The following DYM variants were observed in gnomAD, a reference collection of about 807,000 sequenced individuals.
The protein encoded by DYM is dymeclin, also known as dyggve-Melchior-Clausen syndrome protein.
A neutral mutation model predicts 93.1 loss-of-function variants in DYM; 78 were observed. The observed-to-expected ratio is 0.84, with a 90% CI of 0.70 to 1.01. The LOEUF (loss-of-function observed/expected upper bound fraction) is 1.01. Ranked by LOEUF, DYM falls within the 50% of genes least tolerant of loss-of-function variation. The pLI is 0.00. For missense variants in DYM, 789 were observed against 845.0 expected, an observed-to-expected ratio of 0.93 and a Z score of 0.82; for synonymous variants, 321 against 319.7, an observed-to-expected ratio of 1.00 and a Z score of -0.04.
intron 2 of DYM, among the ~76,000 whole-genome samples, chr18:49,402,551 T>C (rs1352692691): frequency 6.6e-6 from 1 of 152,174 alleles, no homozygotes; most frequent in Non-Finnish European, 1.5e-5. Flanking sequence ...CTAGCAGATT[T>C]TGATGAACCA....
intron 8 of DYM, among the ~76,000 whole-genome samples, chr18:49,305,495 A>G (rs1449087551): frequency 2.6e-5 from 4 of 152,206 alleles, no homozygotes; most frequent in African/African-American, 9.6e-5. Context: ...GACAGAATCT[A>G]TCAGAAGAGA....
At chr18:49,261,834 G>T (rs2094495341) in intron 11 of DYM, among the ~76,000 whole-genome samples, 1 of 152,038 alleles carries the variant, frequency 6.6e-6, no homozygotes, top group South Asian at 2.1e-4. Flanking sequence ...CCCCATGGAG[G>T]AACAAACACT....
chr18:49,236,480 A>C (rs2144598565), intron 13 of DYM, among the ~76,000 whole-genome samples: 1 of 35,018 alleles, frequency 2.9e-5, no homozygotes, highest in East Asian at 3.8e-4. Context: ...ACTCTGTCTC[A>C]AAAAAAAAAA....
intron 2 of DYM, among the ~76,000 whole-genome samples, chr18:49,409,136 T>C (rs981138928): frequency 9.2e-5 from 14 of 151,648 alleles, no homozygotes; most frequent in Admixed American, 7.9e-4. Flanking sequence ...ATACAAAAAT[T>C]AGCCGAGCAT....
At chr18:49,062,743 A>ACC (rs1227488769) in intron 17 of DYM, among the ~76,000 whole-genome samples, 1 of 152,154 alleles carries the variant, frequency 6.6e-6, no homozygotes, top group East Asian at 1.9e-4. Context: ...GCTTAGAAAA[A>ACC]CTGACTTCAG....
At chr18:49,265,125 T>C (rs2094548896) in intron 11 of DYM, among the ~76,000 whole-genome samples, 1 of 152,304 alleles carries the variant, frequency 6.6e-6, no homozygotes, top group East Asian at 1.9e-4. Flanking sequence ...ATATGTGCTA[T>C]AAATCGCAGG....
At chr18:49,431,141 C>T (rs1245073363) in intron 1 of DYM, among the ~76,000 whole-genome samples, 1 of 152,160 alleles carries the variant, frequency 6.6e-6, no homozygotes, top group South Asian at 2.1e-4. Context: ...GAACATAGCT[C>T]AAGTAATTAC....
chr18:49,138,529 G>C (rs1482623594), intron 15 of DYM, among the ~76,000 whole-genome samples: 1 of 152,144 alleles, frequency 6.6e-6, no homozygotes, highest in Non-Finnish European at 1.5e-5. Flanking sequence ...TGGTAGGTTT[G>C]GTTCAATGTA....
chr18:49,402,316 A>T (rs997101179), intron 2 of DYM, among the ~76,000 whole-genome samples: 1 of 152,206 alleles, frequency 6.6e-6, no homozygotes, highest in Non-Finnish European at 1.5e-5. Context: ...AGCACAAAAT[A>T]AAACACAAAC....
intron 2 of DYM, among the ~76,000 whole-genome samples, chr18:49,400,935 C>A (rs916584325): frequency 3.3e-5 from 5 of 152,078 alleles, no homozygotes; most frequent in African/African-American, 4.8e-5. Context: ...AGGCAACTAA[C>A]AAACCATCAT....
chr18:49,167,430 A>T (rs2145168121), intron 14 of DYM, among the ~76,000 whole-genome samples: 1 of 152,322 alleles, frequency 6.6e-6, no homozygotes, highest in South Asian at 2.1e-4. Flanking sequence ...TCAGCTCTCC[A>T]TCGAAGAGAA....
chr18:49,263,594 G>C (rs111637309), intron 11 of DYM, among the ~76,000 whole-genome samples: 1 of 151,672 alleles, frequency 6.6e-6, no homozygotes, highest in Non-Finnish European at 1.5e-5. Context: ...ACCAGGCTTG[G>C]TGGCAGGCAC....
intron 15 of DYM, among the ~76,000 whole-genome samples, chr18:49,152,439 CAA>C (rs2085925800): frequency 6.6e-6 from 1 of 152,110 alleles, no homozygotes; most frequent in African/African-American, 2.4e-5. Flanking sequence ...TGTCTTATGT[CAA>C]AGTCAGGCCT....
intron 8 of DYM, among the ~76,000 whole-genome samples, chr18:49,314,308 G>A (rs1188666526): frequency 1.3e-5 from 2 of 152,182 alleles, no homozygotes; most frequent in Non-Finnish European, 2.9e-5. Context: ...AGGTTTATAT[G>A]AGTAGCTGTA....
At chr18:49,227,897 T>C (rs924350766) in intron 13 of DYM, among the ~76,000 whole-genome samples, 11 of 152,142 alleles carry the variant, frequency 7.2e-5, no homozygotes, top group Non-Finnish European at 1.5e-5. Context: ...TCAATCTCCG[T>C]ATCCTCTGGA....
chr18:49,300,110 C>T (rs916384282), intron 8 of DYM, among the ~76,000 whole-genome samples: 2 of 144,780 alleles, frequency 1.4e-5, no homozygotes, highest in South Asian at 4.3e-4. Context: ...TATATAAATA[C>T]ATAAATATAT....
intron 14 of DYM, among the ~76,000 whole-genome samples, chr18:49,196,438 TACACACACAC>T (rs35296321): frequency 2.0e-5 from 3 of 150,264 alleles, no homozygotes; most frequent in Non-Finnish European, 4.4e-5. Flanking sequence ...GATCAGTGGT[TACACACACAC>T]ACACACACAC....
intron 14 of DYM, among the ~76,000 whole-genome samples, chr18:49,166,049 G>T (rs1435562844): frequency 1.3e-5 from 2 of 152,048 alleles, no homozygotes; most frequent in African/African-American, 4.8e-5. Flanking sequence ...ATTTTTCTGG[G>T]TCTTCTCCAT....
chr18:49,187,786 T>C (rs532281969), intron 14 of DYM, among the ~76,000 whole-genome samples: 1 of 152,290 alleles, frequency 6.6e-6, no homozygotes, highest in South Asian at 2.1e-4. Flanking sequence ...CTTTTCTAAA[T>C]GTACAAAATC....
Sources: gnomAD v4.1 joint callset for allele counts (sites outside exome capture counted in the v4.1 genomes callset) on GRCh38, gnomAD v4.1.1 for gene constraint, MANE v1.5 for transcripts, NCBI Gene and HGNC (gene_info 2026-07-23, HGNC 2026-07-21) for gene names.